The following NIPSNAP3B variants were observed in gnomAD, a reference collection of about 807,000 sequenced individuals.
NIPSNAP3B encodes protein NipSnap homolog 3B.
In NIPSNAP3B, 30 loss-of-function variants were observed where a neutral mutation model predicts 31.5. The observed-to-expected ratio is 0.95, with a 90% confidence interval of 0.71 to 1.29. The LOEUF (loss-of-function observed/expected upper bound fraction) is 1.29. Ranked by LOEUF, NIPSNAP3B falls within the 50% of genes most tolerant of loss-of-function variation. The probability of loss-of-function intolerance (pLI) is 0.00; values close to 1 mark genes in which losing one functional copy is unlikely to be tolerated. For synonymous variants in NIPSNAP3B, 106 were observed against 107.9 expected, an observed-to-expected ratio of 0.98 and a Z score of 0.11; for missense variants, 269 against 300.7, an observed-to-expected ratio of 0.89 and a Z score of 0.78.
At chr9:104,787,560 A>G in the NIPSNAP3B span, among the ~76,000 whole-genome samples, 1 of 152,212 alleles carries the variant, frequency 6.6e-6, no homozygotes, top group African/African-American at 2.4e-5. Context: ...GTAAGGAACT[A>G]TGACCTAGTT....
chr9:104,764,546 G>C (rs1323255759), intron 1 of NIPSNAP3B, among the ~76,000 whole-genome samples: 1 of 152,126 alleles, frequency 6.6e-6, no homozygotes, highest in Non-Finnish European at 1.5e-5. Context: ...TGTGATTTTT[G>C]TTTTTGTTTT....
In NIPSNAP3B at chr9:104,776,775, G is replaced by A. The variant is rs1193159727; in HGVS notation, c.*3702G>A. 1.3e-5 allele frequency among the ~76,000 whole-genome samples: 2 copies of A among 152,112 alleles called. No homozygotes were observed. Among genetic ancestry groups the A allele is most frequent in the East Asian group, 3.9e-4 (2 of 5,186 alleles). Reference sequence around the variant, plus strand: ...TGTATGTCTCTTCCCACTAGAAACCGAATTCTATGACAGCAAGGGTTTTTG... The same window carrying A: ...TGTATGTCTCTTCCCACTAGAAACCAAATTCTATGACAGCAAGGGTTTTTG... On this transcript the variant is annotated 3_prime_UTR_variant, in exon 6 of 6. Transcript: ENST00000374762.
At chr9:104,785,278 A>G in the NIPSNAP3B span, 1 of 1,337,670 alleles carries the variant, frequency 7.5e-7, no homozygotes, top group East Asian at 2.4e-5. Context: ...TAGGAATAGT[A>G]GATCAGGAAT....
downstream of NIPSNAP3B, among the ~76,000 whole-genome samples, chr9:104,777,858 A>G (rs1324304827): frequency 6.6e-6 from 1 of 152,188 alleles, no homozygotes; most frequent in East Asian, 1.9e-4. Context: ...TCTTCCCTGA[A>G]AATCTATTCC....
the NIPSNAP3B span, chr9:104,784,188 T>C: frequency 8.3e-7 from 1 of 1,200,842 alleles, no homozygotes; most frequent in Non-Finnish European, 1.2e-6. Context: ...TTGAATAGTA[T>C]CAGTACAGTA....
At chr9:104,790,813 T>C in the NIPSNAP3B span, 1 of 804,526 alleles carries the variant, frequency 1.2e-6, no homozygotes, top group Non-Finnish European at 2.1e-6. Flanking sequence ...TATTTCAACA[T>C]TTTTATGAAC....
Position 104,766,572 on chromosome 9 carries a change from T to A in NIPSNAP3B, c.271+37T>A, listed in dbSNP as rs748156834. ...TCCAGTTTTAGTATTCAGTATAGATTTTCATTCTGTTAAATGTAACATAAG... is the reference window on the plus strand; with the variant it reads ...TCCAGTTTTAGTATTCAGTATAGATATTCATTCTGTTAAATGTAACATAAG... On this transcript the variant is annotated intron_variant, in intron 2 of 5. Coordinates refer to ENST00000374762, the MANE Select transcript of NIPSNAP3B (RefSeq NM_018376.4). 2.6e-6 allele frequency: 4 copies of A among 1,563,852 alleles called. No homozygotes were observed. In the South Asian group the frequency reaches 4.5e-5, roughly 17 times the overall value.
At chr9:104,769,453 C>CAAAAAAAAAAAAAAAA (rs34083177) in intron 3 of NIPSNAP3B, among the ~76,000 whole-genome samples, 1 of 109,466 alleles carries the variant, frequency 9.1e-6, no homozygotes, top group African/African-American at 3.7e-5. Flanking sequence ...GACTCCGTCT[C>CAAAAAAAAAAAAAAAA]AAAAAAAAAA....
the NIPSNAP3B span, chr9:104,787,797 G>A: frequency 7.5e-6 from 12 of 1,600,366 alleles, no homozygotes; most frequent in Non-Finnish European, 9.4e-6. Flanking sequence ...TTCCAAGGTT[G>A]CTCTGCTGTC....
At chr9:104,769,125 T>C (rs1028381763) in intron 3 of NIPSNAP3B, 104 bp downstream of exon 3, 2 of 791,674 alleles carry the variant, frequency 2.5e-6, no homozygotes, top group Admixed American at 3.2e-5. Context: ...TAATTCTTTG[T>C]TTTATATAAT....
downstream of NIPSNAP3B, among the ~76,000 whole-genome samples, chr9:104,778,382 C>T (rs1482915611): frequency 6.6e-6 from 1 of 152,132 alleles, no homozygotes; most frequent in Admixed American, 6.5e-5. Context: ...AGGCATGCAC[C>T]ACCATGCCCA....
At chr9:104,789,322 G>A in the NIPSNAP3B span, among the ~76,000 whole-genome samples, 1 of 152,190 alleles carries the variant, frequency 6.6e-6, no homozygotes, top group African/African-American at 2.4e-5. Flanking sequence ...TACTGCCACT[G>A]CTATATGCGT....
At chr9:104,787,018 A>T in the NIPSNAP3B span, 21 of 1,553,596 alleles carry the variant, frequency 1.4e-5, no homozygotes, top group Non-Finnish European at 1.8e-5. Context: ...TGGGGGGAAA[A>T]AAAATCAAAG....
chr9:104,766,968 A>AATACTGGCTAATAAGGG (rs1355489401), intron 2 of NIPSNAP3B, among the ~76,000 whole-genome samples: 9 of 152,152 alleles, frequency 5.9e-5, no homozygotes, highest in Non-Finnish European at 1.0e-4. Flanking sequence ...GGTATTGACG[A>AATACTGGCTAATAAGGG]AGATGGAATA....
the NIPSNAP3B span, chr9:104,784,284 A>G: frequency 1.9e-6 from 3 of 1,613,634 alleles, no homozygotes; most frequent in African/African-American, 2.7e-5. Context: ...GTTCCTCTTT[A>G]CTTTCAGCCA....
chr9:104,769,220 G>A (rs1037593050), intron 3 of NIPSNAP3B, among the ~76,000 whole-genome samples, 199 bp downstream of exon 3: 23 of 152,074 alleles, frequency 1.5e-4, no homozygotes, highest in Non-Finnish European at 2.4e-4. Flanking sequence ...TTGGAAGGCC[G>A]AGGCGGGCGA....
chr9:104,788,198 G>A, the NIPSNAP3B span: 10 of 1,173,616 alleles, frequency 8.5e-6, no homozygotes, highest in South Asian at 1.2e-5. Context: ...AGCCAAAGCA[G>A]GGAGAAGGGA....
chr9:104,782,713 A>T (rs1422571762), downstream of NIPSNAP3B: 1 of 152,196 alleles, frequency 6.6e-6, no homozygotes, highest in Non-Finnish European at 1.5e-5. Context: ...AAAGCCAATT[A>T]TTTGAAGGTA....
intron 3 of NIPSNAP3B, among the ~76,000 whole-genome samples, chr9:104,769,478 T>C (rs901437037): frequency 7.2e-6 from 1 of 138,694 alleles, no homozygotes; most frequent in African/African-American, 2.7e-5. Flanking sequence ...AAAAGAGAAT[T>C]AGAGTTCTAG....
Sources: gnomAD v4.1 joint callset for allele counts (sites outside exome capture counted in the v4.1 genomes callset) on GRCh38, gnomAD v4.1.1 for gene constraint, MANE v1.5 for transcripts, NCBI Gene and HGNC (gene_info 2026-07-23, HGNC 2026-07-21) for gene names.